Variants in MEGF10 observed in about 807,000 individuals in gnomAD.
MEGF10 encodes multiple epidermal growth factor-like domains protein 10.
A neutral mutation model predicts 147.5 loss-of-function variants in MEGF10; 86 were observed. The ratio of observed to expected loss-of-function variants is 0.58; its 90% CI spans 0.49 to 0.70. The LOEUF (loss-of-function observed/expected upper bound fraction) is 0.70, where lower values mean the gene tolerates loss of function less well. MEGF10 is among the 30% of genes least tolerant of loss of function. The pLI is 0.00. For synonymous variants in MEGF10, 478 were observed against 525.5 expected, an observed-to-expected ratio of 0.91 and a Z score of 1.24; for missense variants, 1,329 against 1,487.3, an observed-to-expected ratio of 0.89 and a Z score of 1.75.
At chr5:127,433,638 A>G in intron 14 of MEGF10, 129 bp downstream of exon 14, 1 of 1,129,498 alleles carries the variant, frequency 8.9e-7, no homozygotes, top group Non-Finnish European at 1.2e-6. Flanking sequence ...AGAGAGTGTA[A>G]TGGTTCACTT....
intron 16 of MEGF10, among the ~76,000 whole-genome samples, chr5:127,436,647 C>G (rs564901301): frequency 1.3e-5 from 2 of 152,174 alleles, no homozygotes; most frequent in African/African-American, 4.8e-5. Context: ...GGAAATTTGT[C>G]CCTTCCTCAT....
intron 1 of MEGF10, among the ~76,000 whole-genome samples, chr5:127,294,537 G>A (rs182770509): frequency 3.9e-5 from 6 of 152,082 alleles, no homozygotes; most frequent in Admixed American, 2.0e-4. Context: ...GGTGCCTCAC[G>A]CCTGTAATCC....
At chr5:127,255,085 G>A in the MEGF10 span, among the ~76,000 whole-genome samples, 4 of 151,842 alleles carry the variant, frequency 2.6e-5, no homozygotes, top group Non-Finnish European at 5.9e-5. Context: ...GAAATCATAG[G>A]AATGTGGAAG....
chr5:127,419,168 T>C lies in MEGF10; in HGVS notation c.1354T>C (p.Cys452Arg). ...PCPLGTYGINCSSRCGCKNDA... is the reference protein window; with the variant it reads ...PCPLGTYGINRSSRCGCKNDA... ...CCCTCTGGGAACCTATGGGATAAAC[T>C]GTTCCTCTCGCTGTGGCTGTAAAAA... is the stretch of plus-strand genomic sequence containing the variant. Residue 452 changes from cysteine to arginine, a missense_variant, in exon 11 of 25, where the codon TGT becomes CGT. By Grantham distance (180) the Cys-to-Arg change is radical (BLOSUM62 -3). Around this residue, in one of 3 missense-constraint regions of MEGF10, gnomAD observed 980 missense variants for 1,085.9 expected, o/e 0.90. Transcript: ENST00000503335. 1 of 1,614,216 alleles carries C rather than the reference T, an allele frequency of 6.2e-7. No individual in the cohort carries two copies. The highest frequency in any genetic ancestry group is 1.1e-5 in the South Asian group (1 of 91,084).
At chr5:127,343,797 A>G (rs1044513319) in intron 4 of MEGF10, among the ~76,000 whole-genome samples, 1 of 151,874 alleles carries the variant, frequency 6.6e-6, no homozygotes, top group Non-Finnish European at 1.5e-5. Context: ...AAAAAAAAAA[A>G]GTCATCTTCT....
chr5:127,235,008 T>G, the MEGF10 span, among the ~76,000 whole-genome samples: 1 of 152,110 alleles, frequency 6.6e-6, no homozygotes, highest in Non-Finnish European at 1.5e-5. Context: ...CATGCCCAGC[T>G]AATTTTTTTG....
At chr5:127,267,430 G>T in the MEGF10 span, among the ~76,000 whole-genome samples, 1 of 152,140 alleles carries the variant, frequency 6.6e-6, no homozygotes, top group Admixed American at 6.5e-5. Flanking sequence ...GATGATGCTG[G>T]CCTCATAAAA....
chr5:127,272,719 GC>G, the MEGF10 span, among the ~76,000 whole-genome samples: 1 of 152,032 alleles, frequency 6.6e-6, no homozygotes, highest in Non-Finnish European at 1.5e-5. Context: ...TCATGATTTG[GC>G]TCTCAGCTTG....
chr5:127,306,638 T>C (rs1760025755), intron 1 of MEGF10, among the ~76,000 whole-genome samples: 1 of 152,234 alleles, frequency 6.6e-6, no homozygotes, highest in African/African-American at 2.4e-5. Flanking sequence ...ATCCATTCAC[T>C]GTGGCCCATC....
intron 4 of MEGF10, among the ~76,000 whole-genome samples, chr5:127,354,839 TG>T (rs1762221063): frequency 6.6e-6 from 1 of 152,134 alleles, no homozygotes; most frequent in Non-Finnish European, 1.5e-5. Flanking sequence ...GTGTTGGGGA[TG>T]GGAAAGGATT....
At chr5:127,263,388 T>G in the MEGF10 span, among the ~76,000 whole-genome samples, 1 of 152,048 alleles carries the variant, frequency 6.6e-6, no homozygotes, top group Non-Finnish European at 1.5e-5. Flanking sequence ...AGATTTCCAG[T>G]TATGACTAAG....
chr5:127,311,203 G>A (rs1760274899), intron 1 of MEGF10, among the ~76,000 whole-genome samples: 1 of 151,974 alleles, frequency 6.6e-6, no homozygotes, highest in Non-Finnish European at 1.5e-5. Context: ...TATATTCTGT[G>A]TACAAAAATC....
At chr5:127,301,392 T>A (rs918819367) in intron 1 of MEGF10, among the ~76,000 whole-genome samples, 105 of 151,518 alleles carry the variant, frequency 6.9e-4, no homozygotes, top group Admixed American at 3.2e-3. Flanking sequence ...ATAGGAGCAT[T>A]TTTTTTTTCT....
intron 4 of MEGF10, among the ~76,000 whole-genome samples, chr5:127,343,878 T>C (rs1761776858): frequency 6.6e-6 from 1 of 152,114 alleles, no homozygotes; most frequent in Admixed American, 6.6e-5. Flanking sequence ...GAAGGGGAGC[T>C]GAGTGGCCTC....
intron 1 of MEGF10, among the ~76,000 whole-genome samples, chr5:127,328,347 A>G (rs36307): frequency 0.4 from 60,942 of 152,056 alleles, 13,667 homozygotes; most frequent in Middle Eastern, 0.58. Context: ...ATACCAAGTA[A>G]TACACACATA....
chr5:127,357,305 G>A (rs1285672792), intron 4 of MEGF10, among the ~76,000 whole-genome samples: 1 of 152,130 alleles, frequency 6.6e-6, no homozygotes, highest in Non-Finnish European at 1.5e-5. Context: ...ACAAACAGTT[G>A]TTCACCAAAA....
chr5:127,445,042 T>A (rs141050223), intron 19 of MEGF10, among the ~76,000 whole-genome samples: 37 of 152,338 alleles, frequency 2.4e-4, no homozygotes, highest in African/African-American at 8.9e-4. Flanking sequence ...CGGAAATATA[T>A]AAGAAGCTCT....
chr5:127,295,433 C>T (rs1231232978), intron 1 of MEGF10, among the ~76,000 whole-genome samples: 1 of 152,132 alleles, frequency 6.6e-6, no homozygotes, highest in Admixed American at 6.5e-5. Flanking sequence ...TAACTTCTAC[C>T]TTTGTCTTAC....
chr5:127,417,610 A>T, intron 9 of MEGF10, 28 bp from the exon 10 acceptor site: 1 of 1,613,286 alleles, frequency 6.2e-7, no homozygotes, highest in South Asian at 1.1e-5. Context: ...CCCCAAAGTG[A>T]CTTATTCCTT....
Sources: allele counts gnomAD v4.1 joint callset (sites outside exome capture counted in the v4.1 genomes callset), GRCh38; gene constraint gnomAD v4.1.1; regional missense constraint gnomAD v4.1.1; transcripts MANE v1.5; gene names NCBI Gene and HGNC (gene_info 2026-07-23, HGNC 2026-07-21).